Variants in ST8SIA1 observed in about 807,000 individuals in gnomAD.
ST8SIA1 encodes the protein ST8 alpha-N-acetyl-neuraminide alpha-2,8-sialyltransferase 1.
In ST8SIA1, 16 loss-of-function variants were observed where a neutral mutation model predicts 35.9. The observed-to-expected ratio is 0.45, with a 90% CI of 0.30 to 0.68. The LOEUF is 0.68. Ranked by LOEUF, ST8SIA1 falls within the 30% of genes least tolerant of loss-of-function variation. The probability of loss-of-function intolerance (pLI) is 0.09; values close to 1 mark genes in which losing one functional copy is unlikely to be tolerated. For synonymous variants in ST8SIA1, 170 were observed against 169.6 expected (o/e 1.00, Z -0.02); for missense variants, 383 against 453.6 (o/e 0.84, Z 1.41).
chr12:22,297,884 GC>G (rs1455897067), intron 1 of ST8SIA1, among the ~76,000 whole-genome samples: 2 of 152,100 alleles, frequency 1.3e-5, no homozygotes, highest in African/African-American at 4.8e-5. Flanking sequence ...CAGGATGGGG[GC>G]TGATCATTTA....
At chr12:22,227,222 G>A (rs1341187547) in intron 4 of ST8SIA1, among the ~76,000 whole-genome samples, 4 of 151,902 alleles carry the variant, frequency 2.6e-5, no homozygotes, top group African/African-American at 7.3e-5. Context: ...GGGATTACTG[G>A]TGTGAGCCAC....
intron 1 of ST8SIA1, among the ~76,000 whole-genome samples, chr12:22,295,317 G>T (rs2955522): frequency 0.13 from 19,009 of 152,030 alleles, 1,500 homozygotes; most frequent in East Asian, 0.3. Flanking sequence ...GTCCTGGCTG[G>T]GTCTGAGAAT....
At chr12:22,259,109 T>C (rs1165476080) in intron 2 of ST8SIA1, among the ~76,000 whole-genome samples, 1 of 152,144 alleles carries the variant, frequency 6.6e-6, no homozygotes, top group Non-Finnish European at 1.5e-5. Flanking sequence ...TAGCAGAGTC[T>C]CCCTGGCTTG....
intron 4 of ST8SIA1, 26 bp downstream of exon 4, chr12:22,248,980 C>T (rs1591834305): frequency 6.4e-7 from 1 of 1,550,742 alleles, no homozygotes; most frequent in East Asian, 2.2e-5. Context: ...CTTCGTTCGT[C>T]ACAAACAGAA....
chr12:22,261,487 G>A (rs1216320625), intron 2 of ST8SIA1, among the ~76,000 whole-genome samples: 1 of 152,126 alleles, frequency 6.6e-6, no homozygotes, highest in Non-Finnish European at 1.5e-5. Flanking sequence ...ACATATTTGT[G>A]TAGAAATCAT....
Position 22,286,959 on chromosome 12 carries a change from C to T in ST8SIA1, c.381+190G>A, listed in dbSNP as rs1328251713. On this transcript the variant is annotated intron_variant, in intron 2 of 4. Coordinates refer to ENST00000396037, the MANE Select transcript of ST8SIA1 (RefSeq NM_003034.4). ...AAAACTGTAACTCTGTAACATCCTG[C>T]TTCCACCCTTGCATCAAAACACTGT... is the stretch of plus-strand genomic sequence containing the variant. 3.9e-5 allele frequency among the ~76,000 whole-genome samples: 6 copies of T among 152,204 alleles called. No homozygotes were observed. The East Asian group carries it at 5.8e-4, about 15-fold the overall frequency.
intron 4 of ST8SIA1, among the ~76,000 whole-genome samples, chr12:22,218,342 G>A (rs1865257176): frequency 6.7e-6 from 1 of 148,392 alleles, no homozygotes; most frequent in South Asian, 2.2e-4. Flanking sequence ...AATAGACCAG[G>A]CACAGTGGCT....
At chr12:22,227,536 C>G (rs917558201) in intron 4 of ST8SIA1, among the ~76,000 whole-genome samples, 18 of 152,066 alleles carry the variant, frequency 1.2e-4, no homozygotes, top group African/African-American at 4.1e-4. Context: ...CGTGCCATTG[C>G]ACTCCAGCCT....
intron 1 of ST8SIA1, among the ~76,000 whole-genome samples, chr12:22,331,025 C>T (rs1332840628): frequency 6.6e-6 from 1 of 152,230 alleles, no homozygotes; most frequent in South Asian, 2.1e-4. Context: ...AAAACTCTTA[C>T]AGCTTTCTTA....
At chr12:22,230,189 C>A (rs1490663359) in intron 4 of ST8SIA1, among the ~76,000 whole-genome samples, 1 of 152,132 alleles carries the variant, frequency 6.6e-6, no homozygotes, top group African/African-American at 2.4e-5. Context: ...TCTTTGCCTT[C>A]TGGGGTTTTA....
At chr12:22,202,658 T>C (rs903124723) in intron 4 of ST8SIA1, among the ~76,000 whole-genome samples, 2 of 152,202 alleles carry the variant, frequency 1.3e-5, no homozygotes, top group Non-Finnish European at 2.9e-5. Flanking sequence ...TCTAGTGCAG[T>C]TGTAGAAACA....
intron 4 of ST8SIA1, 60 bp downstream of exon 4, chr12:22,248,946 G>T: frequency 2.3e-6 from 3 of 1,282,200 alleles, no homozygotes; most frequent in Non-Finnish European, 3.4e-6. Flanking sequence ...CCTTTGAAAT[G>T]CTAAGTACTT....
At chr12:22,291,642 T>C (rs950927245) in intron 1 of ST8SIA1, among the ~76,000 whole-genome samples, 1 of 152,224 alleles carries the variant, frequency 6.6e-6, no homozygotes, top group Non-Finnish European at 1.5e-5. Flanking sequence ...AGTTTACTGT[T>C]TGTAACCAAG....
At chr12:22,300,775 G>C (rs1373307959) in intron 1 of ST8SIA1, among the ~76,000 whole-genome samples, 1 of 152,060 alleles carries the variant, frequency 6.6e-6, no homozygotes, top group Non-Finnish European at 1.5e-5. Context: ...CTTAACCTTT[G>C]ATATTTGACA....
intron 1 of ST8SIA1, among the ~76,000 whole-genome samples, chr12:22,328,657 C>G (rs1009391392): frequency 1.3e-5 from 2 of 152,140 alleles, no homozygotes; most frequent in African/African-American, 4.8e-5. Context: ...TACAATCATA[C>G]ATGCATGGTA....
chr12:22,315,849 C>A (rs1184256001), intron 1 of ST8SIA1, among the ~76,000 whole-genome samples: 3 of 151,486 alleles, frequency 2.0e-5, no homozygotes, highest in East Asian at 3.9e-4. Flanking sequence ...GTCAAAAGTC[C>A]ATCGGGATAA....
chr12:22,277,024 T>A (rs1359028658), intron 2 of ST8SIA1, among the ~76,000 whole-genome samples: 1 of 152,170 alleles, frequency 6.6e-6, no homozygotes, highest in Admixed American at 6.5e-5. Context: ...GTATGTTATA[T>A]CTCAGTCTCT....
rs1865052919 is a variant in ST8SIA1, at chr12:22,201,936, T to C, written c.687A>G (p.Thr229=). 6.2e-7 allele frequency: 1 copy of C among 1,614,004 alleles called. No homozygotes were observed. The highest frequency in any genetic ancestry group is 1.3e-5 in the African/African-American group (1 of 74,938). Residue 229 remains threonine (T), a synonymous_variant, in exon 5 of 5, where the codon ACA becomes ACG. Transcript: ENST00000396037. ...YMPAFSMKTG[T]EPSLRVYYTL... is the part of the protein sequence containing the mutation. ...TATAATAAACCCTCAAAGATGGCTC[T>C]GTTCCTGTCTTCATAGAAAAGGCAG... is the stretch of plus-strand genomic sequence containing the variant.
chr12:22,317,217 G>C (rs1449652116), intron 1 of ST8SIA1, among the ~76,000 whole-genome samples: 1 of 152,176 alleles, frequency 6.6e-6, no homozygotes, highest in Non-Finnish European at 1.5e-5. Context: ...CACATACTAA[G>C]TGGGGTATCT....
Sources: allele counts gnomAD v4.1 joint callset (sites outside exome capture counted in the v4.1 genomes callset), GRCh38; gene constraint gnomAD v4.1.1; transcripts MANE v1.5; gene names NCBI Gene and HGNC (gene_info 2026-07-23, HGNC 2026-07-21).